CSMD1: variants seen among roughly 807,000 people sequenced by gnomAD.
CSMD1 encodes CUB and sushi domain-containing protein 1.
A neutral mutation model predicts 417.5 loss-of-function variants in CSMD1; 213 were observed. The ratio of observed to expected loss-of-function variants is 0.51; its 90% CI spans 0.46 to 0.57. CSMD1 has a LOEUF of 0.57. CSMD1 is among the 20% of genes least tolerant of loss of function. CSMD1 has a pLI of 0.00. For synonymous variants in CSMD1, 2,862 were observed against 1,736.8 expected (o/e 1.65, Z -16.11); for missense variants, 6,923 against 4,529.7 (o/e 1.53, Z -15.17).
chr8:4,548,114 G>T (rs1797711079), intron 2 of CSMD1, among the ~76,000 whole-genome samples: 1 of 152,180 alleles, frequency 6.6e-6, no homozygotes, highest in African/African-American at 2.4e-5. Flanking sequence ...TAGTTTATTT[G>T]CTTTGATGAT....
At chr8:3,963,776 G>A (rs1266552745) in intron 5 of CSMD1, among the ~76,000 whole-genome samples, 1 of 152,120 alleles carries the variant, frequency 6.6e-6, no homozygotes, top group Non-Finnish European at 1.5e-5. Flanking sequence ...TATATGTATA[G>A]CAACCTAAGT....
chr8:4,139,337 A>C (rs1029547247), intron 3 of CSMD1, among the ~76,000 whole-genome samples: 2 of 152,182 alleles, frequency 1.3e-5, no homozygotes, highest in Non-Finnish European at 2.9e-5. Flanking sequence ...TTACAAACGT[A>C]ATGAAAATTT....
At chr8:4,309,375 G>T (rs1205436980) in intron 3 of CSMD1, among the ~76,000 whole-genome samples, 1 of 151,906 alleles carries the variant, frequency 6.6e-6, no homozygotes, top group African/African-American at 2.4e-5. Context: ...TTGTTCTGTA[G>T]TCCCTTAGAG....
intron 5 of CSMD1, among the ~76,000 whole-genome samples, chr8:3,982,406 A>C (rs550071318): frequency 1.3e-5 from 2 of 151,860 alleles, no homozygotes; most frequent in South Asian, 4.1e-4. Context: ...AAATGAGCTA[A>C]TATATGGAAA....
chr8:4,530,145 C>G (rs542622471), intron 2 of CSMD1, among the ~76,000 whole-genome samples: 2 of 151,750 alleles, frequency 1.3e-5, no homozygotes, highest in South Asian at 2.1e-4. Flanking sequence ...GATCTCCTGA[C>G]CTTGTGATCT....
At chr8:4,718,444 T>G (rs914858947) in intron 1 of CSMD1, among the ~76,000 whole-genome samples, 1 of 152,110 alleles carries the variant, frequency 6.6e-6, no homozygotes, top group Non-Finnish European at 1.5e-5. Flanking sequence ...TAAGCAGGAA[T>G]GAAATCTTAG....
At chr8:4,826,205 T>C (rs1024274902) in intron 1 of CSMD1, among the ~76,000 whole-genome samples, 1 of 152,068 alleles carries the variant, frequency 6.6e-6, no homozygotes, top group East Asian at 1.9e-4. Flanking sequence ...TGTTGCCTTA[T>C]TCACAATTGT....
chr8:3,049,528 G>A (rs771909219), intron 50 of CSMD1, among the ~76,000 whole-genome samples: 1 of 152,046 alleles, frequency 6.6e-6, no homozygotes, highest in Non-Finnish European at 1.5e-5. Context: ...TTCTAGTAAA[G>A]GTAAAACTAT....
intron 26 of CSMD1, among the ~76,000 whole-genome samples, chr8:3,264,217 C>T (rs551000839): frequency 8.5e-5 from 13 of 152,236 alleles, no homozygotes; most frequent in African/African-American, 2.9e-4. Context: ...TATTAGATTT[C>T]TTAGGAAACA....
chr8:4,955,718 A>G (rs1250183835), intron 1 of CSMD1, among the ~76,000 whole-genome samples: 1 of 145,334 alleles, frequency 6.9e-6, no homozygotes, highest in Non-Finnish European at 1.5e-5. Context: ...GGCCTCCTAA[A>G]GTGCTGGGAT....
intron 24 of CSMD1, among the ~76,000 whole-genome samples, 171 bp downstream of exon 24, chr8:3,308,141 T>C (rs556043064): frequency 2.9e-4 from 44 of 152,138 alleles, no homozygotes; most frequent in African/African-American, 1.0e-3. Flanking sequence ...CTGTCTTTCA[T>C]AGCTGAAAAC....
At position 3,039,353 on chromosome 8, in the gene CSMD1, T is replaced by C. The variant is rs573273194; in HGVS notation, c.7661-9840A>G. On this transcript the variant is annotated intron_variant, in intron 50 of 69. Transcript: ENST00000635120. ...TTTCTTTCTTCCTTTCCGCCTTCCTTCCTTCCTCCTTTACTTTCCTTTCTT... is the reference window on the plus strand; with the variant it reads ...TTTCTTTCTTCCTTTCCGCCTTCCTCCCTTCCTCCTTTACTTTCCTTTCTT... Among the ~76,000 whole-genome samples the C allele has an allele frequency of 1.9e-3, 288 of 148,232 alleles. 1 individual carries two copies. Among genetic ancestry groups the C allele is most frequent in the African/African-American group, 6.9e-3 (271 of 39,386 alleles).
chr8:4,239,938 A>T (rs1802290845), intron 3 of CSMD1, among the ~76,000 whole-genome samples: 1 of 152,216 alleles, frequency 6.6e-6, no homozygotes, highest in African/African-American at 2.4e-5. Flanking sequence ...AGTCATAACA[A>T]AAAATAATGC....
chr8:4,244,302 G>C (rs927324964), intron 3 of CSMD1, among the ~76,000 whole-genome samples: 6 of 152,162 alleles, frequency 3.9e-5, no homozygotes, highest in African/African-American at 1.2e-4. Context: ...ACACTATGCA[G>C]TCTTGTCTCC....
chr8:3,313,466 C>A (rs937809934), intron 23 of CSMD1, among the ~76,000 whole-genome samples: 1 of 152,156 alleles, frequency 6.6e-6, no homozygotes, highest in African/African-American at 2.4e-5. Flanking sequence ...TGAACAGACA[C>A]CTCTCAAAAG....
At chr8:3,391,113 A>T (rs1811319280) in intron 17 of CSMD1, among the ~76,000 whole-genome samples, 1 of 152,178 alleles carries the variant, frequency 6.6e-6, no homozygotes, top group South Asian at 2.1e-4. Flanking sequence ...ATCCAGTACC[A>T]TTACATCCCG....
chr8:3,636,229 G>A (rs148877310), intron 7 of CSMD1, among the ~76,000 whole-genome samples: 446 of 152,272 alleles, frequency 2.9e-3, no homozygotes, highest in South Asian at 5.2e-3. Flanking sequence ...AGTAACAGGC[G>A]TGGAACTGTC....
chr8:3,790,796 C>T (rs139910109), intron 5 of CSMD1, among the ~76,000 whole-genome samples: 172 of 152,206 alleles, frequency 1.1e-3, no homozygotes, highest in Middle Eastern at 6.8e-3. Flanking sequence ...GTTTTTGCAA[C>T]ATTGAGGTCG....
intron 5 of CSMD1, among the ~76,000 whole-genome samples, chr8:3,757,960 G>C (rs185150025): frequency 6.6e-6 from 1 of 152,202 alleles, no homozygotes; most frequent in African/African-American, 2.4e-5. Flanking sequence ...AAATGCGTAA[G>C]TCCTGCACAA....
Sources: allele counts gnomAD v4.1 joint callset (sites outside exome capture counted in the v4.1 genomes callset), GRCh38; gene constraint gnomAD v4.1.1; transcripts MANE v1.5; gene names NCBI Gene and HGNC (gene_info 2026-07-23, HGNC 2026-07-21).